Variants in ROBO2 observed in about 807,000 individuals in gnomAD.
ROBO2 encodes roundabout homolog 2.
A neutral mutation model predicts 160.8 loss-of-function variants in ROBO2; 53 were observed. The ratio of observed to expected loss-of-function variants is 0.33; its 90% CI spans 0.26 to 0.41. ROBO2 has a LOEUF of 0.41. Among genes scored for constraint, ROBO2 ranks in the 10% least tolerant of loss-of-function variants. The probability of loss-of-function intolerance (pLI) is 1.00; values close to 1 mark genes in which losing one functional copy is unlikely to be tolerated. For missense variants in ROBO2, 1,577 were observed against 1,722.4 expected (o/e 0.92, Z 1.49); for synonymous variants, 664 against 611.7 (o/e 1.09, Z -1.26).
intron 2 of ROBO2, among the ~76,000 whole-genome samples, chr3:76,864,987 T>C (rs1291744655): frequency 3.9e-5 from 6 of 152,126 alleles, no homozygotes; most frequent in East Asian, 1.9e-4. Context: ...ATAGCTAAAT[T>C]GAAAGCTCTG....
chr3:77,405,318 T>C (rs2153515919), intron 2 of ROBO2, among the ~76,000 whole-genome samples: 1 of 152,296 alleles, frequency 6.6e-6, no homozygotes, highest in African/African-American at 2.4e-5. Context: ...AATATTCTTC[T>C]CTGTAAAAAT....
At chr3:76,880,948 C>T (rs62261843) in intron 2 of ROBO2, among the ~76,000 whole-genome samples, 16,704 of 152,092 alleles carry the variant, frequency 0.11, 1,269 homozygotes, top group Admixed American at 0.23. Flanking sequence ...GGAGAGTTTT[C>T]CTATATTAAT....
At chr3:76,218,626 A>G (rs1464725503) in intron 2 of ROBO2, among the ~76,000 whole-genome samples, 8 of 152,188 alleles carry the variant, frequency 5.3e-5, no homozygotes, top group Non-Finnish European at 8.8e-5. Flanking sequence ...GGACCTCTTC[A>G]AGGAGAACTA....
intron 2 of ROBO2, among the ~76,000 whole-genome samples, chr3:75,959,302 A>G (rs529162764): frequency 6.6e-6 from 1 of 151,800 alleles, no homozygotes; most frequent in South Asian, 2.1e-4. Context: ...CAATTAATAT[A>G]TTTTCACTGA....
intron 1 of ROBO2, among the ~76,000 whole-genome samples, chr3:75,932,505 G>T (rs899930151): frequency 2.6e-5 from 4 of 152,200 alleles, no homozygotes; most frequent in Non-Finnish European, 5.9e-5. Context: ...ATCTGCAGAA[G>T]TTGTGATACA....
At chr3:77,236,901 G>A (rs1037675941) in intron 2 of ROBO2, among the ~76,000 whole-genome samples, 1 of 151,940 alleles carries the variant, frequency 6.6e-6, no homozygotes, top group South Asian at 2.1e-4. Context: ...GTATTGCTTT[G>A]TTGCCTAGAT....
intron 2 of ROBO2, among the ~76,000 whole-genome samples, chr3:77,376,373 G>C (rs2072667912): frequency 6.6e-6 from 1 of 151,702 alleles, no homozygotes; most frequent in Non-Finnish European, 1.5e-5. Context: ...AGACAATCTG[G>C]TCTCGAACTC....
In ROBO2 at chr3:77,580,054, A is replaced by G. The variant is rs750367416; in HGVS notation, c.2436A>G (p.Val812=). The G allele has an allele frequency of 2.5e-6, 4 of 1,613,788 alleles. No homozygotes were observed. The highest frequency in any genetic ancestry group is 3.3e-5 in the Admixed American group (2 of 59,976). Residue 812 remains valine, a synonymous_variant, in exon 16 of 26, where the codon GTA becomes GTG. Coordinates refer to ENST00000461745, the Ensembl canonical transcript of ROBO2. ...TATTCCCAGGTATTCAATACCGGGT[A>G]GAGGTTGCAGCTAGTACCAGTGCAG...
chr3:76,834,027 C>CTTTCT (rs2067334901), intron 2 of ROBO2, among the ~76,000 whole-genome samples: 4 of 54,828 alleles, frequency 7.3e-5, no homozygotes, highest in East Asian at 4.6e-4. Flanking sequence ...TCTTTCTTTT[C>CTTTCT]TTTCTTTCTT....
chr3:77,345,871 A>C (rs973962321), intron 2 of ROBO2, among the ~76,000 whole-genome samples: 1 of 152,144 alleles, frequency 6.6e-6, no homozygotes, highest in African/African-American at 2.4e-5. Flanking sequence ...TGTGATATTA[A>C]AATGTTAGCC....
intron 2 of ROBO2, among the ~76,000 whole-genome samples, chr3:77,310,210 A>C (rs1375106898): frequency 1.3e-5 from 2 of 152,114 alleles, no homozygotes; most frequent in Admixed American, 6.5e-5. Flanking sequence ...TTTATTGCGA[A>C]ATTGTCCTTA....
intron 2 of ROBO2, among the ~76,000 whole-genome samples, chr3:76,334,664 C>G (rs2073743390): frequency 6.6e-6 from 1 of 152,188 alleles, no homozygotes; most frequent in Admixed American, 6.5e-5. Context: ...AGAATTTTAC[C>G]CAGTAAAGGA....
rs1191130309 is a variant in ROBO2 at position 77,215,838 on chromosome 3, A to C, written c.388+117498A>C. 1.3e-5 allele frequency among the ~76,000 whole-genome samples: 2 copies of C among 152,182 alleles called. 1 individual carries two copies. The highest frequency in any genetic ancestry group is 4.1e-4 in the South Asian group (2 of 4,834). On this transcript the variant is annotated intron_variant, in intron 2 of 25. Transcript: ENST00000461745. ...CTGCAGGTCTGTTGGAGTTTGCTGG[A>C]GGTCCACTCCAGACCCTGTTTGCCT...
intron 16 of ROBO2, among the ~76,000 whole-genome samples, chr3:77,583,493 T>G (rs942687236): frequency 1.3e-5 from 2 of 152,088 alleles, no homozygotes; most frequent in African/African-American, 2.4e-5. Context: ...TATTACACTT[T>G]CCTGTTCTAT....
At chr3:77,003,432 T>C (rs2149428819) in intron 2 of ROBO2, among the ~76,000 whole-genome samples, 1 of 152,326 alleles carries the variant, frequency 6.6e-6, no homozygotes, top group East Asian at 1.9e-4. Context: ...ACATACTCAG[T>C]GCTCAACACA....
chr3:76,334,844 A>G (rs2073755361), intron 2 of ROBO2, among the ~76,000 whole-genome samples: 1 of 152,170 alleles, frequency 6.6e-6, no homozygotes, highest in Non-Finnish European at 1.5e-5. Flanking sequence ...TAGTAAAGAA[A>G]GGAGTTACCT....
chr3:77,610,492 A>G (rs1161886575), intron 21 of ROBO2, among the ~76,000 whole-genome samples: 5 of 152,120 alleles, frequency 3.3e-5, no homozygotes, highest in African/African-American at 1.2e-4. Context: ...CAGGGAAGCC[A>G]GGGGAAAGCT....
At chr3:76,587,224 T>A (rs974333478) in intron 2 of ROBO2, among the ~76,000 whole-genome samples, 4 of 152,142 alleles carry the variant, frequency 2.6e-5, no homozygotes, top group Admixed American at 6.5e-5. Context: ...TTTTATTGCT[T>A]TTTCTCCACT....
At chr3:76,925,136 G>A (rs1389476200) in intron 2 of ROBO2, among the ~76,000 whole-genome samples, 1 of 149,964 alleles carries the variant, frequency 6.7e-6, no homozygotes, top group Admixed American at 6.6e-5. Context: ...GCGTGAACCC[G>A]GGAGGCGGAG....
Sources: gnomAD v4.1 joint callset for allele counts (sites outside exome capture counted in the v4.1 genomes callset) on GRCh38, gnomAD v4.1.1 for gene constraint, MANE v1.5 for transcripts, NCBI Gene and HGNC (gene_info 2026-07-23, HGNC 2026-07-21) for gene names.